Variants in GLB1L3 observed in about 807,000 individuals in gnomAD.
The protein encoded by GLB1L3 is beta-galactosidase-1-like protein 3.
Under a neutral mutation model 89.5 loss-of-function variants are expected in GLB1L3, and 89 were observed. That is an observed-to-expected ratio of 0.99 (90% CI 0.84 to 1.19). The LOEUF is 1.19. Among genes scored for constraint, GLB1L3 ranks in the 50% most tolerant of loss-of-function variants. GLB1L3 has a pLI of 0.00. For missense variants in GLB1L3, 812 were observed against 813.3 expected, an observed-to-expected ratio of 1.00 and a Z score of 0.02; for synonymous variants, 314 against 312.3, an observed-to-expected ratio of 1.01 and a Z score of -0.06.
At chr11:134,277,960 A>C in intron 3 of GLB1L3, 48 bp downstream of exon 3, 1 of 1,589,556 alleles carries the variant, frequency 6.3e-7, no homozygotes, top group Non-Finnish European at 8.6e-7. Flanking sequence ...CTACAAGTGC[A>C]TCCTGGCCGG....
downstream of GLB1L3, among the ~76,000 whole-genome samples, chr11:134,322,876 T>G (rs1475352052): frequency 1.3e-5 from 2 of 152,236 alleles, no homozygotes; most frequent in Non-Finnish European, 1.5e-5. Context: ...ACTATGAATA[T>G]TCATGCATAA....
At chr11:134,279,318 TC>T (rs1160439308) in intron 3 of GLB1L3, among the ~76,000 whole-genome samples, 1 of 151,476 alleles carries the variant, frequency 6.6e-6, no homozygotes, top group Non-Finnish European at 1.5e-5. Flanking sequence ...CATCCTGCTC[TC>T]CCCCTTTTTT....
intron 9 of GLB1L3, among the ~76,000 whole-genome samples, chr11:134,304,356 A>G (rs1483392004): frequency 6.6e-6 from 1 of 152,234 alleles, no homozygotes; most frequent in African/African-American, 2.4e-5. Flanking sequence ...TCCAAATAAC[A>G]TAGATCATGA....
intron 8 of GLB1L3, 141 bp downstream of exon 8, chr11:134,292,354 T>C (rs1450227250): frequency 3.3e-6 from 2 of 614,674 alleles, no homozygotes; most frequent in Non-Finnish European, 5.8e-6. Flanking sequence ...GAGTTCGATG[T>C]TACAATAAAT....
At chr11:134,292,315 C>A in intron 8 of GLB1L3, 102 bp downstream of exon 8, 1 of 760,894 alleles carries the variant, frequency 1.3e-6, no homozygotes, top group Non-Finnish European at 2.2e-6. Context: ...CGATACCTCC[C>A]TTTCCCGTGT....
chr11:134,309,678 A>G lies in GLB1L3; in HGVS notation c.1014A>G (p.Val338=), dbSNP rs762416520. ...TCAAATATGAGATCTCCTTCAATGT[A>G]TATATGTTCCATGGTGGAACCAACT... The part of the protein sequence containing the change: ...EFIKYEISFN[V]YMFHGGTNFG... The change falls in exon 11 of 20, where the codon GTA becomes GTG. Residue 338 remains valine, a synonymous_variant. Coordinates refer to ENST00000431683, the MANE Select transcript of GLB1L3 (RefSeq NM_001080407.3). The G allele has an allele frequency of 8.7e-6, 14 of 1,612,732 alleles. No homozygotes were observed. The South Asian group carries it at 1.3e-4, about 15-fold the overall frequency.
chr11:134,298,310 T>C (rs1941766229), intron 9 of GLB1L3, among the ~76,000 whole-genome samples: 1 of 152,166 alleles, frequency 6.6e-6, no homozygotes, highest in Admixed American at 6.5e-5. Context: ...TCTAAACTCA[T>C]TTTATGAGGT....
chr11:134,317,689 ATCT>A (rs1202281999), intron 18 of GLB1L3, among the ~76,000 whole-genome samples: 2 of 152,162 alleles, frequency 1.3e-5, no homozygotes, highest in Admixed American at 6.5e-5. Context: ...TTTGTTAATC[ATCT>A]TCTTTTAAAT....
chr11:134,310,566 T>G lies in GLB1L3; in HGVS notation c.1100-5T>G. 1 of 1,610,876 alleles carries G rather than the reference T, an allele frequency of 6.2e-7. No homozygotes were observed. Among genetic ancestry groups the G allele is most frequent in the South Asian group, 1.1e-5 (1 of 90,480 alleles). On this transcript the variant is annotated splice_polypyrimidine_tract_variant and splice_region_variant and intron_variant, in intron 11 of 19. Coordinates refer to ENST00000431683, the MANE Select transcript of GLB1L3 (RefSeq NM_001080407.3). ...TGGCTGGTGACTGGCCCTGGTGTCT[T>G]GCAGACTATGATGCAGTGCTCACGG...
chr11:134,312,324 C>T (rs752219641), intron 13 of GLB1L3, 25 bp from the exon 14 acceptor site: 1 of 1,611,388 alleles, frequency 6.2e-7, no homozygotes, highest in Non-Finnish European at 8.5e-7. Flanking sequence ...CCTTGGACTT[C>T]TGCTCTTGCC....
chr11:134,316,306 T>A (rs1162494073), intron 18 of GLB1L3, among the ~76,000 whole-genome samples: 1 of 152,232 alleles, frequency 6.6e-6, no homozygotes, highest in Non-Finnish European at 1.5e-5. Context: ...ATGTACATAA[T>A]TATAAGCCAT....
At chr11:134,285,369 T>TTTGATCA in intron 6 of GLB1L3, among the ~76,000 whole-genome samples, 1 of 152,284 alleles carries the variant, frequency 6.6e-6, no homozygotes, top group South Asian at 2.1e-4. Context: ...GACAGCATTG[T>TTTGATCA]TTGATCATTG....
At chr11:134,293,025 G>A (rs534743062) in intron 8 of GLB1L3, 120 bp from the exon 9 acceptor site, 15 of 772,386 alleles carry the variant, frequency 1.9e-5, no homozygotes, top group East Asian at 7.9e-5. Context: ...ACAGCATCTC[G>A]CCATCCTCAC....
chr11:134,320,710 A>G (rs1239764060), downstream of GLB1L3, among the ~76,000 whole-genome samples: 2 of 150,934 alleles, frequency 1.3e-5, no homozygotes, highest in Non-Finnish European at 2.9e-5. Flanking sequence ...AGAATTCTTT[A>G]CCCAGCAAAA....
At chr11:134,311,757 A>C (rs565768677) in intron 13 of GLB1L3, 14 of 152,736 alleles carry the variant, frequency 9.2e-5, no homozygotes, top group African/African-American at 2.9e-4. Flanking sequence ...TTGGTGCCTC[A>C]TTCATTGCTA....
At position 134,314,033 on chromosome 11, in the gene GLB1L3, G is replaced by T; in HGVS notation, c.1667+5G>T. The T allele has an allele frequency of 1.3e-6, 2 of 1,586,298 alleles. No individual in the cohort carries two copies. The highest frequency in any genetic ancestry group is 1.7e-6 in the Non-Finnish European group (2 of 1,156,170). ...GAAAATGAGCTTCTTTGAGAGGTAT[G>T]CTCCAGCTGGCCCCCAGTGCACACT... is the stretch of plus-strand genomic sequence containing the variant. On this transcript the variant is annotated splice_donor_5th_base_variant and intron_variant, in intron 17 of 19. Transcript: ENST00000431683.
intron 6 of GLB1L3, among the ~76,000 whole-genome samples, chr11:134,284,719 ACT>A (rs1303050583): frequency 4.6e-5 from 7 of 151,886 alleles, no homozygotes; most frequent in Non-Finnish European, 7.4e-5. Flanking sequence ...ACAGAGTGAC[ACT>A]CTGTCTCAAA....
At chr11:134,321,757 T>C (rs1221579275), downstream of GLB1L3, among the ~76,000 whole-genome samples, 1 of 151,640 alleles carries the variant, frequency 6.6e-6, no homozygotes, top group Non-Finnish European at 1.5e-5. Flanking sequence ...CATCACACAC[T>C]GGGGCCTGTC....
At chr11:134,309,343 G>A (rs146994391) in intron 10 of GLB1L3, among the ~76,000 whole-genome samples, 1,936 of 152,158 alleles carry the variant, frequency 0.013, 42 homozygotes, top group African/African-American at 0.044. Flanking sequence ...GGTCTTTAAC[G>A]TCATCAATAG....
Sources: allele counts gnomAD v4.1 joint callset (sites outside exome capture counted in the v4.1 genomes callset), GRCh38; gene constraint gnomAD v4.1.1; transcripts MANE v1.5; gene names NCBI Gene and HGNC (gene_info 2026-07-23, HGNC 2026-07-21).